Variants in MAP2K5 observed in about 807,000 individuals in gnomAD.
The protein encoded by MAP2K5 is dual specificity mitogen-activated protein kinase kinase 5.
MAP2K5 carries 49 observed loss-of-function variants against 83.1 expected under a neutral mutation model. That is an observed-to-expected ratio of 0.59 (90% CI 0.47 to 0.75). The LOEUF (loss-of-function observed/expected upper bound fraction) is 0.75. Ranked by LOEUF, MAP2K5 falls within the 30% of genes least tolerant of loss-of-function variation. The pLI is 0.00. For synonymous variants in MAP2K5, 202 were observed against 191.8 expected (o/e 1.05, Z -0.44); for missense variants, 457 against 557.5 (o/e 0.82, Z 1.82).
chr15:67,666,139 GT>G (rs1194894939), intron 13 of MAP2K5, among the ~76,000 whole-genome samples: 1 of 152,182 alleles, frequency 6.6e-6, no homozygotes, highest in Non-Finnish European at 1.5e-5. Flanking sequence ...AAATTCGAGT[GT>G]TGTTAGAAAG....
chr15:67,677,998 A>T lies in MAP2K5; in HGVS notation c.847+13353A>T, dbSNP rs531725432. 1.1e-4 allele frequency among the ~76,000 whole-genome samples: 17 copies of T among 152,280 alleles called. No individual in the cohort carries two copies. In the South Asian group the frequency reaches 3.3e-3, roughly 30 times the overall value. ...CTTTGCAAGAATATTTGGATGACCT[A>T]CCCTTTCTTATGTGATGGAGTCATT... On this transcript the variant is annotated intron_variant, in intron 13 of 21. Coordinates refer to ENST00000178640, the MANE Select transcript of MAP2K5 (RefSeq NM_145160.3). The surrounding 1 kb of genome is among the most constrained non-coding windows in gnomAD (Gnocchi z 4.2).
At chr15:67,795,593 C>T (rs2090591406) in intron 21 of MAP2K5, among the ~76,000 whole-genome samples, 1 of 152,162 alleles carries the variant, frequency 6.6e-6, no homozygotes, top group African/African-American at 2.4e-5. Context: ...CTATGTATAA[C>T]ATCAGATCTT....
At chr15:67,675,069 C>T (rs944664942) in intron 13 of MAP2K5, among the ~76,000 whole-genome samples, 2 of 152,132 alleles carry the variant, frequency 1.3e-5, no homozygotes, top group South Asian at 2.1e-4. Flanking sequence ...ATGCCACTAC[C>T]GTATGACCCA....
At chr15:67,586,977 G>T (rs879081238) in intron 6 of MAP2K5, 64 bp downstream of exon 6, 3 of 1,540,948 alleles carry the variant, frequency 1.9e-6, no homozygotes, top group Non-Finnish European at 2.7e-6. Context: ...GGTGGGGTGG[G>T]GAAGAAGCTA....
chr15:67,682,768 G>A lies in MAP2K5; in HGVS notation c.848-9711G>A, dbSNP rs1424178573. ...GAATGGTGTGAACCCAGGAGGCAGA[G>A]CTTGCAGTGAGGTGAGATCCCACCA... On this transcript the variant is annotated intron_variant, in intron 13 of 21. Coordinates refer to ENST00000178640, the MANE Select transcript of MAP2K5 (RefSeq NM_145160.3). Among the ~76,000 whole-genome samples, 9 of 151,850 alleles carry A rather than the reference G, an allele frequency of 5.9e-5. 1 individual carries two copies. Among genetic ancestry groups the A allele is most frequent in the Non-Finnish European group, 1.3e-4 (9 of 67,960 alleles).
chr15:67,729,480 T>A (rs1412159254), intron 17 of MAP2K5, among the ~76,000 whole-genome samples: 1 of 152,038 alleles, frequency 6.6e-6, no homozygotes, highest in Non-Finnish European at 1.5e-5. Context: ...AAGAAATGGA[T>A]TTTGCCATGG....
In MAP2K5 at chr15:67,596,287, C is replaced by T. The variant is rs758940036; in HGVS notation, c.480+3313C>T. ...AATACAAAAAATTTGCTGGGTGTGG[C>T]GGCCCATGCCCAGCTACTTAGGTGG... On this transcript the variant is annotated intron_variant, in intron 7 of 21. Coordinates refer to ENST00000178640, the MANE Select transcript of MAP2K5 (RefSeq NM_145160.3). 3.9e-5 allele frequency among the ~76,000 whole-genome samples: 6 copies of T among 151,936 alleles called. No homozygotes were observed. In the South Asian group the frequency reaches 6.3e-4, roughly 16 times the overall value.
chr15:67,588,995 T>C (rs925515468), intron 6 of MAP2K5, among the ~76,000 whole-genome samples: 1 of 151,560 alleles, frequency 6.6e-6, no homozygotes, highest in African/African-American at 2.4e-5. Context: ...GTTTTTTTTT[T>C]ATTTTTTTAA....
At chr15:67,611,486 C>T (rs1251128283) in intron 8 of MAP2K5, among the ~76,000 whole-genome samples, 1 of 152,122 alleles carries the variant, frequency 6.6e-6, no homozygotes, top group African/African-American at 2.4e-5. Context: ...CAAAGCCCTA[C>T]CTGCCCTTAT....
At chr15:67,696,341 CT>C (rs1206258851) in intron 15 of MAP2K5, among the ~76,000 whole-genome samples, 1 of 152,118 alleles carries the variant, frequency 6.6e-6, no homozygotes, top group Non-Finnish European at 1.5e-5. Flanking sequence ...CACCCATTTG[CT>C]TATATATTAT....
chr15:67,690,255 A>G lies in MAP2K5; in HGVS notation c.848-2224A>G, dbSNP rs912499407. On this transcript the variant is annotated intron_variant, in intron 13 of 21. Coordinates refer to ENST00000178640, the MANE Select transcript of MAP2K5 (RefSeq NM_145160.3). The surrounding 1 kb of genome is among the most constrained non-coding windows in gnomAD (Gnocchi z 4.3). ...CTATGTAGAATCTAACATTTGTTTC[A>G]GTTCAGCAAACATTTAAGTGTCTAC... is the stretch of plus-strand genomic sequence containing the variant. 6.6e-6 allele frequency among the ~76,000 whole-genome samples: 1 copy of G among 152,230 alleles called. No individual in the cohort carries two copies. Among genetic ancestry groups the G allele is most frequent in the Non-Finnish European group, 1.5e-5 (1 of 68,036 alleles).
At chr15:67,669,929 A>G (rs1234500001) in intron 13 of MAP2K5, among the ~76,000 whole-genome samples, 3 of 152,172 alleles carry the variant, frequency 2.0e-5, no homozygotes, top group Non-Finnish European at 4.4e-5. Flanking sequence ...TGATTCAGCA[A>G]TCCCCTTCCT....
chr15:67,756,001 G>A (rs559627318), intron 19 of MAP2K5, among the ~76,000 whole-genome samples: 1 of 152,196 alleles, frequency 6.6e-6, no homozygotes, highest in South Asian at 2.1e-4. Context: ...CATTCCCGTT[G>A]ATCCCCATTT....
chr15:67,699,147 C>G (rs2088344963), intron 15 of MAP2K5, among the ~76,000 whole-genome samples: 2 of 149,670 alleles, frequency 1.3e-5, no homozygotes, highest in African/African-American at 4.9e-5. Context: ...TTTTTTTAAA[C>G]CATCTCAAAT....
chr15:67,629,517 AATGATGTTTC>A (rs2086414069), intron 8 of MAP2K5, among the ~76,000 whole-genome samples: 1 of 152,204 alleles, frequency 6.6e-6, no homozygotes, highest in Admixed American at 6.5e-5. Flanking sequence ...AACAGCAGAA[AATGATGTTTC>A]CATGTTGGCA....
chr15:67,591,143 G>A (rs1165704197), intron 6 of MAP2K5, among the ~76,000 whole-genome samples: 6 of 151,954 alleles, frequency 3.9e-5, no homozygotes, highest in African/African-American at 1.4e-4. Flanking sequence ...TCAGGAGTTT[G>A]AGACCAGCCT....
intron 11 of MAP2K5, among the ~76,000 whole-genome samples, chr15:67,647,533 G>T (rs2086854682): frequency 6.6e-6 from 1 of 152,026 alleles, no homozygotes; most frequent in East Asian, 1.9e-4. Flanking sequence ...GATTGCTTGA[G>T]CCCAGGAGTT....
At chr15:67,716,277 G>A (rs776078597) in intron 16 of MAP2K5, among the ~76,000 whole-genome samples, 2 of 152,126 alleles carry the variant, frequency 1.3e-5, no homozygotes, top group Admixed American at 6.6e-5. Context: ...GGAGTTTGAG[G>A]CTGCAGTAAG....
Position 67,586,840 on chromosome 15 carries a change from T to C in MAP2K5, c.364-6T>C. The C allele has an allele frequency of 6.2e-7, 1 of 1,613,834 alleles. No homozygotes were observed. The highest frequency in any genetic ancestry group is 8.5e-7 in the Non-Finnish European group (1 of 1,179,712). The stretch of plus-strand genomic sequence containing the variant: ...AGACTGATCAAGATTCTTTCTTTAC[T>C]TATAGGTGAATACTCGGGCCGGACC... On this transcript the variant is annotated splice_region_variant and splice_polypyrimidine_tract_variant and intron_variant, in intron 5 of 21. Transcript: ENST00000178640.
Sources: allele counts gnomAD v4.1 joint callset (sites outside exome capture counted in the v4.1 genomes callset), GRCh38; gene constraint gnomAD v4.1.1; non-coding constraint Gnocchi (gnomAD v3.1); transcripts MANE v1.5; gene names NCBI Gene and HGNC (gene_info 2026-07-23, HGNC 2026-07-21).